CABIN1: variants seen among roughly 807,000 people sequenced by gnomAD.
CABIN1 encodes calcineurin binding protein 1.
Under a neutral mutation model 227.7 loss-of-function variants are expected in CABIN1, and 133 were observed. That is an observed-to-expected ratio of 0.58 (90% CI 0.51 to 0.67). The LOEUF is 0.67. CABIN1 is among the 30% of genes least tolerant of loss of function. The pLI is 0.00. For missense variants in CABIN1, 2,408 were observed against 2,852.5 expected (o/e 0.84, Z 3.55); for synonymous variants, 1,086 against 1,155.1 (o/e 0.94, Z 1.21).
intron 28 of CABIN1, among the ~76,000 whole-genome samples, chr22:24,131,804 G>A (rs887804265): frequency 1.3e-5 from 2 of 152,124 alleles, no homozygotes; most frequent in Non-Finnish European, 1.5e-5. Flanking sequence ...GGTGGCTCGC[G>A]CCTGTAATTC....
intron 34 of CABIN1, 109 bp downstream of exon 34, chr22:24,172,104 C>A: frequency 7.6e-7 from 1 of 1,321,060 alleles, no homozygotes; most frequent in South Asian, 1.3e-5. Flanking sequence ...GCCCTCCCGC[C>A]CAGTCGATCC....
intron 29 of CABIN1, among the ~76,000 whole-genome samples, chr22:24,144,369 G>A (rs1279601383): frequency 2.0e-5 from 3 of 152,240 alleles, no homozygotes; most frequent in Admixed American, 2.0e-4. Flanking sequence ...TCAGAGAGCA[G>A]GGCTGAGACC....
Position 24,167,105 on chromosome 22 carries a change from C to T in CABIN1, c.5474C>T (p.Ala1825Val). ...CAGCCAGCCCCCGCCCCCGCCCCCG[C>T]CACCACCACAGGGACCAGGGCAGGG... ...PAQPAPAPAP[A>V]TTTGTRAGGH... is the part of the protein sequence containing the mutation. Residue 1825 changes from alanine to valine, a missense_variant, in exon 32 of 37, where the codon GCC becomes GTC. Ala to Val is a moderately conservative substitution (Grantham distance 64). Around this residue, in one of 3 missense-constraint regions of CABIN1, gnomAD observed 714 missense variants for 773.8 expected, o/e 0.92. Transcript: ENST00000263119. 1 of 1,552,854 alleles carries T rather than the reference C, an allele frequency of 6.4e-7. No homozygotes were observed. Among genetic ancestry groups the T allele is most frequent in the African/African-American group, 1.4e-5 (1 of 73,720 alleles).
chr22:24,073,593 T>C (rs1391275355), intron 18 of CABIN1, among the ~76,000 whole-genome samples: 3 of 152,120 alleles, frequency 2.0e-5, no homozygotes, highest in Non-Finnish European at 4.4e-5. Flanking sequence ...CTTGACAGGT[T>C]TGTGATAGTG....
rs1156291432 is a variant in CABIN1, at chr22:24,166,684, A to G, written c.5053A>G (p.Arg1685Gly). ...GPKVCGLPGA[R>G]MTTDVSHKAS... ...CAAGGTCTGTGGCCTCCCCGGAGCC[A>G]GGATGACCACCGATGTCTCACACAA... The change falls in exon 32 of 37, where the codon AGG (arginine) becomes GGG (glycine). Residue 1685 changes from arginine to glycine, a missense_variant. Arg to Gly is a moderately radical substitution (Grantham distance 125, BLOSUM62 -2). Around this residue, in one of 3 missense-constraint regions of CABIN1, gnomAD observed 714 missense variants for 773.8 expected, o/e 0.92. Transcript: ENST00000263119. The G allele has an allele frequency of 6.2e-7, 1 of 1,612,748 alleles. No individual in the cohort carries two copies. The highest frequency in any genetic ancestry group is 8.5e-7 in the Non-Finnish European group (1 of 1,179,984).
chr22:24,141,747 A>G (rs946147142), intron 29 of CABIN1, among the ~76,000 whole-genome samples: 1 of 151,986 alleles, frequency 6.6e-6, no homozygotes, highest in Non-Finnish European at 1.5e-5. Flanking sequence ...CCCTTTGTCT[A>G]CCCAGGGTCT....
chr22:24,167,563 C>T (rs1209149065), intron 32 of CABIN1, among the ~76,000 whole-genome samples: 7 of 152,244 alleles, frequency 4.6e-5, no homozygotes, highest in Admixed American at 6.5e-5. Context: ...CTGCTCCCAC[C>T]GCTGCGCTGG....
rs7287871 is a variant in CABIN1 at position 24,120,123 on chromosome 22, C to T, written c.4632+425C>T. ...CTAGGGGCCCTGCTTACTCTCTGTT[C>T]TGGCCTTGCTTGCCCTAGGCCCCAT... On this transcript the variant is annotated intron_variant, in intron 28 of 36. Coordinates refer to ENST00000263119, the MANE Select transcript of CABIN1 (RefSeq NM_012295.4). 3.2e-3 allele frequency among the ~76,000 whole-genome samples: 489 copies of T among 152,338 alleles called. 21 individuals are homozygous for T. Among genetic ancestry groups the T allele is most frequent in the Admixed American group, 0.029 (440 of 15,310 alleles).
chr22:24,166,725 T>C lies in CABIN1; in HGVS notation c.5094T>C (p.Asp1698=), dbSNP rs767933671. ...TDVSHKASPE[D]GQEGLPQPKK... ...TCTCACACAAGGCCAGTCCTGAGGATGGCCAGGAGGGCCTCCCCCAGCCGA... is the reference window on the plus strand; with the variant it reads ...TCTCACACAAGGCCAGTCCTGAGGACGGCCAGGAGGGCCTCCCCCAGCCGA... The change falls in exon 32 of 37, where the codon GAT becomes GAC. Residue 1698 remains aspartate, a synonymous_variant. Transcript: ENST00000263119. 6.2e-7 allele frequency: 1 copy of C among 1,612,688 alleles called. No individual in the cohort carries two copies. Among genetic ancestry groups the C allele is most frequent in the African/African-American group, 1.3e-5 (1 of 74,922 alleles).
intron 14 of CABIN1, 148 bp from the exon 15 acceptor site, chr22:24,063,887 C>A: frequency 3.4e-6 from 3 of 888,688 alleles, no homozygotes; most frequent in Admixed American, 1.7e-5. Context: ...AGCTACATGC[C>A]AGGCCTTTCT....
chr22:24,087,845 C>T (rs1223627830), intron 23 of CABIN1, 132 bp downstream of exon 23: 2 of 1,217,082 alleles, frequency 1.6e-6, no homozygotes, highest in Non-Finnish European at 2.3e-6. Context: ...ACTGACGAAT[C>T]TCCCCATGAG....
intron 26 of CABIN1, among the ~76,000 whole-genome samples, chr22:24,106,958 C>G (rs1332114834): frequency 6.6e-6 from 1 of 152,176 alleles, no homozygotes; most frequent in East Asian, 1.9e-4. Context: ...CTGTGCCAAC[C>G]CTTTCAGACA....
intron 1 of CABIN1, among the ~76,000 whole-genome samples, chr22:24,018,586 A>G (rs1318648258): frequency 6.6e-6 from 1 of 152,166 alleles, no homozygotes; most frequent in African/African-American, 2.4e-5. Flanking sequence ...CATCTTTGCC[A>G]TATTTTTTAT....
At chr22:24,100,523 T>C (rs1340450826) in intron 26 of CABIN1, among the ~76,000 whole-genome samples, 3 of 152,182 alleles carry the variant, frequency 2.0e-5, no homozygotes, top group African/African-American at 7.2e-5. Flanking sequence ...GAGGAGAACA[T>C]GTAGTTCCTA....
Position 24,042,905 on chromosome 22 carries a change from C to G in CABIN1, c.347C>G (p.Ala116Gly). 6.3e-7 allele frequency: 1 copy of G among 1,580,990 alleles called. No individual in the cohort carries two copies. The highest frequency in any genetic ancestry group is 8.6e-7 in the Non-Finnish European group (1 of 1,165,790). The change falls in exon 6 of 37, where the codon GCA becomes GGA. Residue 116 changes from alanine to glycine, a missense_variant and splice_region_variant. Physicochemically the swap from Ala to Gly is moderately conservative, Grantham distance 60. Coordinates refer to ENST00000263119, the MANE Select transcript of CABIN1 (RefSeq NM_012295.4). ...GCCCTCTGCTTGTGTCGCTTCCAGG[C>G]AGTGATGCTGGACTCCACAGATGTC... ...LETAMEFYLE[A>G]VMLDSTDVNL...
In CABIN1 at chr22:24,167,187, C is replaced by T. The variant is rs1296990485; in HGVS notation, c.5556C>T (p.Asp1852=). ...GCCGCAAGAGGAAGCTCCTGGAGGACACAGAGTCAGGCAAGACACTTCTGT... is the reference window on the plus strand; with the variant it reads ...GCCGCAAGAGGAAGCTCCTGGAGGATACAGAGTCAGGCAAGACACTTCTGT... ...RLSRKRKLLE[D]TESGKTLLLD... The change falls in exon 32 of 37, where the codon GAC becomes GAT. Residue 1852 remains aspartate (D), a synonymous_variant. Transcript: ENST00000263119. The T allele has an allele frequency of 6.2e-7, 1 of 1,611,336 alleles. No individual in the cohort carries two copies. The highest frequency in any genetic ancestry group is 1.3e-5 in the African/African-American group (1 of 74,946).
In CABIN1 at chr22:24,039,288, C is replaced by G. The variant is rs547402940; in HGVS notation, c.210+827C>G. Among the ~76,000 whole-genome samples the G allele has an allele frequency of 9.9e-5, 15 of 152,272 alleles. No homozygotes were observed. The East Asian group carries it at 2.9e-3, about 29-fold the overall frequency. On this transcript the variant is annotated intron_variant, in intron 4 of 36. Transcript: ENST00000263119. ...AGAGTCTCCTGTAGTGCTAGGCATGCAGACACTTATGACTCAAGCAAAAAC... is the reference window on the plus strand; with the variant it reads ...AGAGTCTCCTGTAGTGCTAGGCATGGAGACACTTATGACTCAAGCAAAAAC...
Position 24,020,436 on chromosome 22 carries a change from G to A in CABIN1, c.-75+9069G>A, listed in dbSNP as rs767588426. Among the ~76,000 whole-genome samples, 8 of 151,450 alleles carry A rather than the reference G, an allele frequency of 5.3e-5. No homozygotes were observed. In the South Asian group the frequency reaches 1.3e-3, roughly 24 times the overall value. On this transcript the variant is annotated intron_variant, in intron 1 of 36. Coordinates refer to ENST00000263119, the MANE Select transcript of CABIN1 (RefSeq NM_012295.4). ...TCTCAGGCTCAAATGATCCTCCTCC[G>A]TCAGCCTCCCAAGTAGCTGGGATTA...
intron 1 of CABIN1, among the ~76,000 whole-genome samples, chr22:24,031,889 G>T (rs1040049329): frequency 6.6e-6 from 1 of 152,206 alleles, no homozygotes; most frequent in Non-Finnish European, 1.5e-5. Flanking sequence ...ACTTTATTTG[G>T]AGTAATGTCT....
Sources: allele counts gnomAD v4.1 joint callset (sites outside exome capture counted in the v4.1 genomes callset), GRCh38; gene constraint gnomAD v4.1.1; regional missense constraint gnomAD v4.1.1; transcripts MANE v1.5; gene names NCBI Gene and HGNC (gene_info 2026-07-23, HGNC 2026-07-21).